CDC42BPB: variants seen among roughly 807,000 people sequenced by gnomAD.
The protein encoded by CDC42BPB is CDC42 binding protein kinase beta.
Under a neutral mutation model 214.9 loss-of-function variants are expected in CDC42BPB, and 37 were observed. The observed-to-expected ratio is 0.17, with a 90% CI of 0.13 to 0.23. The LOEUF is 0.23. Among genes scored for constraint, CDC42BPB ranks in the 10% least tolerant of loss-of-function variants. The pLI is 1.00. For synonymous variants in CDC42BPB, 931 were observed against 884.0 expected (o/e 1.05, Z -0.94); for missense variants, 1,694 against 2,227.0 (o/e 0.76, Z 4.82).
chr14:103,050,902 C>T (rs756234489), intron 1 of CDC42BPB, among the ~76,000 whole-genome samples: 1 of 151,988 alleles, frequency 6.6e-6, no homozygotes, highest in African/African-American at 2.4e-5. Flanking sequence ...ATCCAAGGAC[C>T]GAATTTGAAT....
At chr14:102,978,843 C>T (rs1284864191) in intron 8 of CDC42BPB, among the ~76,000 whole-genome samples, 2 of 152,048 alleles carry the variant, frequency 1.3e-5, no homozygotes, top group African/African-American at 4.8e-5. Context: ...CCCGTCTCTA[C>T]TAAAAATACA....
intron 1 of CDC42BPB, among the ~76,000 whole-genome samples, chr14:103,040,328 C>A (rs1271936928): frequency 1.3e-5 from 2 of 151,780 alleles, no homozygotes; most frequent in Non-Finnish European, 2.9e-5. Flanking sequence ...GCACTCTAGC[C>A]TGGGCGACAG....
chr14:102,960,409 G>A (rs1892906554), intron 20 of CDC42BPB, among the ~76,000 whole-genome samples: 1 of 151,774 alleles, frequency 6.6e-6, no homozygotes, highest in Non-Finnish European at 1.5e-5. Flanking sequence ...TTGAGGCCAT[G>A]AGTTTGAGAC....
In CDC42BPB at chr14:103,057,242, C is replaced by T; in HGVS notation, c.-69G>A. 3 of 1,210,038 alleles carry T rather than the reference C, an allele frequency of 2.5e-6. No individual in the cohort carries two copies. Among genetic ancestry groups the T allele is most frequent in the Non-Finnish European group, 3.1e-6 (3 of 973,910 alleles). 75.0% of individuals were successfully genotyped at this position (1,210,038 alleles called of 1,614,324 possible). On this transcript the variant is annotated 5_prime_UTR_variant, in exon 1 of 37. Transcript: ENST00000361246. Reference sequence around the variant, plus strand: ...GGCTCGGCCAGTCCGTCAGGGCGCGCCCTCGGGGGCTCGGCGGCTGCGAGC... The same window carrying T: ...GGCTCGGCCAGTCCGTCAGGGCGCGTCCTCGGGGGCTCGGCGGCTGCGAGC...
At chr14:102,991,837 T>A (rs1211979101) in intron 5 of CDC42BPB, among the ~76,000 whole-genome samples, 2 of 152,260 alleles carry the variant, frequency 1.3e-5, no homozygotes, top group African/African-American at 4.8e-5. Context: ...AGAATGCACA[T>A]GTAATATGAT....
chr14:102,963,036 G>T (rs762508926), intron 20 of CDC42BPB, 25 bp downstream of exon 20: 1 of 1,029,332 alleles, frequency 9.7e-7, no homozygotes, highest in South Asian at 1.4e-5. Flanking sequence ...TTCAAATAAT[G>T]CAGAATCGCA....
At chr14:103,040,440 CT>C (rs149980999) in intron 1 of CDC42BPB, among the ~76,000 whole-genome samples, 36,647 of 152,036 alleles carry the variant, frequency 0.24, 5,448 homozygotes, top group Middle Eastern at 0.33. Context: ...AAAACTGAAA[CT>C]TTTTTTCAAT....
chr14:102,996,077 C>T (rs1298028317), intron 5 of CDC42BPB, among the ~76,000 whole-genome samples: 1 of 152,212 alleles, frequency 6.6e-6, no homozygotes, highest in Non-Finnish European at 1.5e-5. Context: ...GGATGGCTCA[C>T]GCCTGTAATC....
chr14:103,026,660 G>A (rs1272267438), intron 1 of CDC42BPB, among the ~76,000 whole-genome samples: 8 of 151,600 alleles, frequency 5.3e-5, no homozygotes, highest in Admixed American at 2.0e-4. Context: ...TCAAGAGATC[G>A]AGACCATCCT....
intron 12 of CDC42BPB, among the ~76,000 whole-genome samples, chr14:102,973,353 A>G (rs1226534579): frequency 6.6e-6 from 1 of 152,266 alleles, no homozygotes; most frequent in African/African-American, 2.4e-5. Flanking sequence ...AATAACATGT[A>G]TCAATGAATG....
intron 20 of CDC42BPB, 76 bp downstream of exon 20, chr14:102,962,985 T>A: frequency 1.4e-6 from 1 of 734,048 alleles, no homozygotes; most frequent in East Asian, 2.6e-5. Context: ...AACTATTAAG[T>A]CGAAAAGAAA....
intron 30 of CDC42BPB, chr14:102,941,625 G>A (rs1302095174): frequency 1.1e-6 from 1 of 913,636 alleles, no homozygotes; most frequent in Non-Finnish European, 1.3e-6. Context: ...AAGGAAGCAG[G>A]AAGAAGTCTA....
intron 27 of CDC42BPB, among the ~76,000 whole-genome samples, 171 bp downstream of exon 27, chr14:102,947,550 A>G (rs1443506528): frequency 1.3e-5 from 2 of 152,152 alleles, no homozygotes; most frequent in African/African-American, 4.8e-5. Flanking sequence ...AGACGGGCAC[A>G]GGCTGCTACT....
chr14:102,973,627 A>G (rs1480317288), intron 12 of CDC42BPB, among the ~76,000 whole-genome samples: 1 of 152,086 alleles, frequency 6.6e-6, no homozygotes, highest in Non-Finnish European at 1.5e-5. Context: ...CACAGCCACC[A>G]TGCCCTGTGG....
At chr14:102,965,150 T>C (rs2139446548) in intron 18 of CDC42BPB, among the ~76,000 whole-genome samples, 1 of 152,154 alleles carries the variant, frequency 6.6e-6, no homozygotes, top group Non-Finnish European at 1.5e-5. Context: ...GCCAGGCTAG[T>C]CTCCAACTCC....
chr14:102,944,558 C>T lies in CDC42BPB; in HGVS notation c.3812-71G>A, dbSNP rs1202670844. On this transcript the variant is annotated intron_variant, in intron 29 of 36. Coordinates refer to ENST00000361246, the MANE Select transcript of CDC42BPB (RefSeq NM_006035.4). The surrounding 1 kb of genome is among the most constrained non-coding windows in gnomAD (Gnocchi z 6.6). ...AGCTCCCAGGGGCTGACGGCCTTGGCTAAAGACTTGCCTGGAACACTCTGG... is the reference window on the plus strand; with the variant it reads ...AGCTCCCAGGGGCTGACGGCCTTGGTTAAAGACTTGCCTGGAACACTCTGG... 6.5e-7 allele frequency: 1 copy of T among 1,548,638 alleles called. No homozygotes were observed. The highest frequency in any genetic ancestry group is 1.4e-5 in the African/African-American group (1 of 73,204).
At chr14:103,028,243 C>T (rs925242560) in intron 1 of CDC42BPB, among the ~76,000 whole-genome samples, 1 of 152,124 alleles carries the variant, frequency 6.6e-6, no homozygotes, top group Non-Finnish European at 1.5e-5. Flanking sequence ...CTTGGGTGCA[C>T]GATTCATTAA....
At chr14:103,029,019 A>G (rs1167599580) in intron 1 of CDC42BPB, among the ~76,000 whole-genome samples, 3 of 152,206 alleles carry the variant, frequency 2.0e-5, no homozygotes, top group African/African-American at 7.2e-5. Context: ...CCAACTGCCA[A>G]TCTTTCTAAA....
intron 17 of CDC42BPB, 39 bp from the exon 18 acceptor site, chr14:102,966,426 G>C (rs774386971): frequency 6.2e-7 from 1 of 1,606,674 alleles, no homozygotes; most frequent in Admixed American, 1.7e-5. Flanking sequence ...ACGAAGCATG[G>C]CTATCAGGGA....
Sources: allele counts gnomAD v4.1 joint callset (sites outside exome capture counted in the v4.1 genomes callset), GRCh38; gene constraint gnomAD v4.1.1; non-coding constraint Gnocchi (gnomAD v3.1); transcripts MANE v1.5; gene names NCBI Gene and HGNC (gene_info 2026-07-23, HGNC 2026-07-21).